The following TTC1 variants were observed in gnomAD, a reference collection of about 807,000 sequenced individuals.
TTC1 encodes tetratricopeptide repeat domain 1.
In TTC1, 31 loss-of-function variants were observed where a neutral mutation model predicts 37.6. The observed-to-expected ratio is 0.82, with a 90% confidence interval of 0.62 to 1.11. The LOEUF (loss-of-function observed/expected upper bound fraction) is 1.11, where lower values mean the gene tolerates loss of function less well. Ranked by LOEUF, TTC1 falls within the 50% of genes most tolerant of loss-of-function variation. TTC1 has a pLI of 0.00. For synonymous variants in TTC1, 127 were observed against 122.4 expected (o/e 1.04, Z -0.25); for missense variants, 351 against 339.0 (o/e 1.04, Z -0.28).
At chr5:160,035,644 T>TA (rs763975862) in intron 3 of TTC1, among the ~76,000 whole-genome samples, 9 of 152,352 alleles carry the variant, frequency 5.9e-5, no homozygotes, top group Non-Finnish European at 7.3e-5. Context: ...TTTCTTTTTT[T>TA]AAATTCTCCA....
intron 5 of TTC1, among the ~76,000 whole-genome samples, chr5:160,047,768 C>T (rs1179454423): frequency 6.6e-5 from 10 of 152,180 alleles, no homozygotes; most frequent in African/African-American, 1.9e-4. Context: ...CTTCCTGGCA[C>T]GCTCCTCCTT....
chr5:160,045,179 G>A (rs1757182272), intron 5 of TTC1, among the ~76,000 whole-genome samples: 1 of 152,098 alleles, frequency 6.6e-6, no homozygotes. Flanking sequence ...AGCGTGATTA[G>A]CATGGTATGT....
chr5:160,043,336 T>C (rs766439173), intron 5 of TTC1, among the ~76,000 whole-genome samples, 167 bp downstream of exon 5: 13 of 152,204 alleles, frequency 8.5e-5, no homozygotes, highest in Admixed American at 2.6e-4. Context: ...GTAACTGCTT[T>C]TGAATGGATA....
At chr5:160,041,627 A>G (rs1018831444) in intron 4 of TTC1, among the ~76,000 whole-genome samples, 2 of 151,836 alleles carry the variant, frequency 1.3e-5, no homozygotes, top group Admixed American at 6.6e-5. Flanking sequence ...TTATATTTTC[A>G]CATGACTTGC....
chr5:160,024,301 A>C (rs912080530), intron 2 of TTC1, among the ~76,000 whole-genome samples: 3 of 152,248 alleles, frequency 2.0e-5, no homozygotes, highest in African/African-American at 7.2e-5. Context: ...AGTAGCAAAA[A>C]ATAGATTCCA....
In TTC1 at chr5:160,056,774, C is replaced by T. The variant is rs538154486; in HGVS notation, c.745+5591C>T. Among the ~76,000 whole-genome samples the T allele has an allele frequency of 3.9e-5, 6 of 152,130 alleles. No homozygotes were observed. In the South Asian group the frequency reaches 6.2e-4, roughly 16 times the overall value. ...CTTGTATGAGTGCCATATTAAAGAG[C>T]TATATATGGAGATAGAATTAACATG... On this transcript the variant is annotated intron_variant, in intron 7 of 7. Transcript: ENST00000231238.
intron 5 of TTC1, among the ~76,000 whole-genome samples, chr5:160,045,416 G>C (rs567124713): frequency 3.5e-5 from 5 of 140,984 alleles, no homozygotes; most frequent in Non-Finnish European, 1.5e-5. Context: ...TATCAATATG[G>C]TTTGTTTGTA....
chr5:160,063,966 CTTTTTTTTT>C, intron 7 of TTC1, among the ~76,000 whole-genome samples: 1 of 106,660 alleles, frequency 9.4e-6, no homozygotes, highest in African/African-American at 3.7e-5. Flanking sequence ...TAGACCATGA[CTTTTTTTTT>C]TTTTTTTTTT....
intron 2 of TTC1, among the ~76,000 whole-genome samples, chr5:160,029,481 CAAAA>C (rs61227502): frequency 1.4e-4 from 11 of 79,864 alleles, no homozygotes; most frequent in South Asian, 8.1e-4. Flanking sequence ...CCCATCTCTA[CAAAA>C]AAAAAAAAAA....
intron 2 of TTC1, among the ~76,000 whole-genome samples, chr5:160,012,964 G>GT (rs565520268): frequency 1.3e-5 from 2 of 152,242 alleles, no homozygotes; most frequent in African/African-American, 2.4e-5. Flanking sequence ...CCCATAGGTG[G>GT]TTTTTTCCTG....
At chr5:160,040,834 T>C (rs1328847335) in intron 4 of TTC1, among the ~76,000 whole-genome samples, 1 of 152,036 alleles carries the variant, frequency 6.6e-6, no homozygotes, top group Non-Finnish European at 1.5e-5. Context: ...AGTCTTGAAC[T>C]CCTGGCCTCA....
At chr5:160,034,534 A>G (rs1179567763) in intron 2 of TTC1, among the ~76,000 whole-genome samples, 1 of 152,180 alleles carries the variant, frequency 6.6e-6, no homozygotes, top group Admixed American at 6.5e-5. Flanking sequence ...CTCCTTCATG[A>G]CACAAACCAT....
At chr5:160,049,804 G>A (rs572225019) in intron 6 of TTC1, 142 bp downstream of exon 6, 25 of 729,646 alleles carry the variant, frequency 3.4e-5, no homozygotes, top group Admixed American at 2.3e-4. Context: ...GAGGCCAGGC[G>A]CAGTGGCTCT....
At chr5:160,049,275 C>T (rs920481403) in intron 5 of TTC1, among the ~76,000 whole-genome samples, 5 of 152,176 alleles carry the variant, frequency 3.3e-5, no homozygotes, top group Non-Finnish European at 7.3e-5. Context: ...TGTGCCTGCT[C>T]TCGTGCTACA....
At position 160,051,140 on chromosome 5, in the gene TTC1, G is replaced by A. The variant is rs749766850; in HGVS notation, c.702G>A (p.Lys234=). Residue 234 remains lysine (K), a synonymous_variant, in exon 7 of 8, where the codon AAG becomes AAA. Transcript: ENST00000231238. ...QAREACMRLP[K]QIEERNERLK... is the part of the protein sequence containing the mutation. ...CCTCTTTTCCTCAGAGATTACCTAA[G>A]CAAATTGAAGAACGTAATGAAAGAC... 6 of 1,604,038 alleles carry A rather than the reference G, an allele frequency of 3.7e-6. No individual in the cohort carries two copies. In the African/African-American group the frequency reaches 8.1e-5, roughly 22 times the overall value.
At chr5:160,048,769 A>T (rs1581114635) in intron 5 of TTC1, among the ~76,000 whole-genome samples, 2 of 152,030 alleles carry the variant, frequency 1.3e-5, no homozygotes, top group African/African-American at 4.8e-5. Flanking sequence ...TGGCCAACAT[A>T]ATGAAACCCC....
intron 7 of TTC1, among the ~76,000 whole-genome samples, chr5:160,056,155 C>T (rs967481686): frequency 3.9e-5 from 6 of 152,208 alleles, no homozygotes; most frequent in Admixed American, 6.5e-5. Context: ...TTATCTACTT[C>T]CCTCAAAGAA....
intron 2 of TTC1, among the ~76,000 whole-genome samples, chr5:160,017,046 G>A (rs1256449792): frequency 6.6e-6 from 1 of 152,182 alleles, no homozygotes; most frequent in Non-Finnish European, 1.5e-5. Context: ...AACTATTTGT[G>A]AAAGCTTAAA....
intron 5 of TTC1, among the ~76,000 whole-genome samples, chr5:160,045,520 A>ACACTCTCTCT (rs1202139318): frequency 2.9e-4 from 16 of 54,892 alleles, no homozygotes; most frequent in South Asian, 7.8e-4. Context: ...ACACATACAC[A>ACACTCTCTCT]CTCTCTCTCT....
Sources: gnomAD v4.1 joint callset for allele counts (sites outside exome capture counted in the v4.1 genomes callset) on GRCh38, gnomAD v4.1.1 for gene constraint, MANE v1.5 for transcripts, NCBI Gene and HGNC (gene_info 2026-07-23, HGNC 2026-07-21) for gene names.